ZNF462: variants seen among roughly 807,000 people sequenced by gnomAD.
The protein encoded by ZNF462 is zinc finger PBX1-interacting protein.
A neutral mutation model predicts 201.9 loss-of-function variants in ZNF462; 10 were observed. That is an observed-to-expected ratio of 0.05 (90% CI 0.03 to 0.08). The LOEUF is 0.08. ZNF462 is among the 10% of genes least tolerant of loss of function. The probability of loss-of-function intolerance (pLI) is 1.00; values close to 1 mark genes in which losing one functional copy is unlikely to be tolerated. For missense variants in ZNF462, 2,523 were observed against 3,168.3 expected (o/e 0.80, Z 4.89); for synonymous variants, 1,227 against 1,193.3 (o/e 1.03, Z -0.58).
At chr9:106,996,466 C>A (rs866671766) in intron 10 of ZNF462, among the ~76,000 whole-genome samples, 79 of 152,274 alleles carry the variant, frequency 5.2e-4, no homozygotes, top group African/African-American at 1.7e-3. Context: ...CACAACCTCT[C>A]CAGCACCTGT....
rs368651212 is a variant in ZNF462, at chr9:106,925,899, C to T, written c.1987C>T (p.Leu663Phe). ...TGTGAAGAAAAGTCAGACCTCAATT[C>T]TTGGGTTGTCCTCCAAGAACAATTT... is the stretch of plus-strand genomic sequence containing the variant. Reference protein sequence around the residue: ...NTVKKSQTSILGLSSKNNFVA... With the variant: ...NTVKKSQTSIFGLSSKNNFVA... Residue 663 changes from leucine to phenylalanine, a missense_variant, in exon 3 of 13, where the codon CTT becomes TTT. Physicochemically the swap from Leu to Phe is conservative, Grantham distance 22. Transcript: ENST00000277225. This position sits in a 1 kb window ranked among gnomAD's most constrained non-coding sequence, Gnocchi z 7.9. The T allele has an allele frequency of 1.2e-6, 2 of 1,614,196 alleles. No individual in the cohort carries two copies. Among genetic ancestry groups the T allele is most frequent in the Non-Finnish European group, 1.7e-6 (2 of 1,180,036 alleles).
At position 106,885,769 on chromosome 9, in the gene ZNF462, A is replaced by C. The variant is rs1307850683; in HGVS notation, c.-31+22414A>C. 6.6e-6 allele frequency among the ~76,000 whole-genome samples: 1 copy of C among 152,216 alleles called. No homozygotes were observed. On this transcript the variant is annotated intron_variant, in intron 1 of 12. Transcript: ENST00000277225. This position sits in a 1 kb window ranked among gnomAD's most constrained non-coding sequence, Gnocchi z 4.1. ...CCATCAAGACTTTAGAACAAGGACA[A>C]CTTGAAGTGGCTATCTTGCACATGG...
chr9:106,992,005 A>C (rs1288600170), intron 10 of ZNF462, among the ~76,000 whole-genome samples: 3 of 151,866 alleles, frequency 2.0e-5, no homozygotes, highest in African/African-American at 7.2e-5. Context: ...TGCAAAAGTT[A>C]TGGACAACTA....
Position 106,932,356 on chromosome 9 carries a change from C to T in ZNF462, c.6013-90C>T. 1 of 1,590,226 alleles carries T rather than the reference C, an allele frequency of 6.3e-7. No homozygotes were observed. Among genetic ancestry groups the T allele is most frequent in the Non-Finnish European group, 8.6e-7 (1 of 1,167,830 alleles). On this transcript the variant is annotated intron_variant, in intron 4 of 12. Coordinates refer to ENST00000277225, the MANE Select transcript of ZNF462 (RefSeq NM_021224.6). The surrounding 1 kb of genome is among the most constrained non-coding windows in gnomAD (Gnocchi z 6.8). ...CCTGGTGGGCCGGGTGGATGGTGAA[C>T]ACTGCTTGCTTGATGGAATGTTGGA...
chr9:106,868,664 A>G (rs1016647177), intron 1 of ZNF462, among the ~76,000 whole-genome samples: 9 of 152,174 alleles, frequency 5.9e-5, no homozygotes, highest in South Asian at 2.1e-4. Context: ...CTGAAGAGGA[A>G]ACTGGCACAA....
chr9:106,885,622 C>T lies in ZNF462; in HGVS notation c.-31+22267C>T, dbSNP rs1828283056. 6.6e-6 allele frequency among the ~76,000 whole-genome samples: 1 copy of T among 152,146 alleles called. No homozygotes were observed. On this transcript the variant is annotated intron_variant, in intron 1 of 12. Coordinates refer to ENST00000277225, the MANE Select transcript of ZNF462 (RefSeq NM_021224.6). The surrounding 1 kb of genome is among the most constrained non-coding windows in gnomAD (Gnocchi z 4.1). ...CAGCTGAACATGTGATCTTGTTAACCCTGAGATGTTGCTGAAAAGTGACTC... is the reference window on the plus strand; with the variant it reads ...CAGCTGAACATGTGATCTTGTTAACTCTGAGATGTTGCTGAAAAGTGACTC...
Position 106,926,297 on chromosome 9 carries a change from A to C in ZNF462, c.2385A>C (p.Glu795Asp), listed in dbSNP as rs1365486095. 1 of 1,614,168 alleles carries C rather than the reference A, an allele frequency of 6.2e-7. No individual in the cohort carries two copies. The highest frequency in any genetic ancestry group is 8.5e-7 in the Non-Finnish European group (1 of 1,180,026). ...NGAEIELTLS[E>D]DEEDYYGSST... ...CTGAGATTGAGCTCACCCTTTCTGA[A>C]GATGAAGAGGATTATTATGGCTCCT... Residue 795 changes from glutamate to aspartate, a missense_variant, in exon 3 of 13, where the codon GAA (glutamate) becomes GAC (aspartate). By Grantham distance (45) the Glu-to-Asp change is conservative (BLOSUM62 2). This residue lies in a region of ZNF462 where 383 missense variants were observed against 453.4 expected (regional missense o/e 0.84). Coordinates refer to ENST00000277225, the MANE Select transcript of ZNF462 (RefSeq NM_021224.6). The surrounding 1 kb of genome is among the most constrained non-coding windows in gnomAD (Gnocchi z 7.9).
At chr9:106,953,297 GTT>G (rs1831434805) in intron 7 of ZNF462, among the ~76,000 whole-genome samples, 1 of 152,130 alleles carries the variant, frequency 6.6e-6, no homozygotes, top group South Asian at 2.1e-4. Flanking sequence ...CCTTCTTGCT[GTT>G]TACACCTGCT....
At position 106,905,303 on chromosome 9, in the gene ZNF462, C is replaced by T. The variant is rs532477153; in HGVS notation, c.-30-18051C>T. Among the ~76,000 whole-genome samples the T allele has an allele frequency of 5.3e-5, 8 of 152,128 alleles. No homozygotes were observed. Among genetic ancestry groups the T allele is most frequent in the Non-Finnish European group, 1.0e-4 (7 of 68,012 alleles). On this transcript the variant is annotated intron_variant, in intron 1 of 12. Transcript: ENST00000277225. The surrounding 1 kb of genome is among the most constrained non-coding windows in gnomAD (Gnocchi z 5.9). ...TAAGGGGTCTCTCAGCCATGGATAC[C>T]AGCACCTGTTCTGGTGGAGGTGGCA...
chr9:106,983,351 T>A (rs571801507), intron 9 of ZNF462, among the ~76,000 whole-genome samples: 1 of 152,286 alleles, frequency 6.6e-6, no homozygotes, highest in East Asian at 1.9e-4. Flanking sequence ...ATCCTCCCTG[T>A]CTCCTGCGCA....
chr9:106,877,124 A>G (rs568495144), intron 1 of ZNF462, among the ~76,000 whole-genome samples: 1 of 152,250 alleles, frequency 6.6e-6, no homozygotes, highest in Non-Finnish European at 1.5e-5. Context: ...GGGCCTAACC[A>G]GACTTACCTT....
At chr9:106,889,359 T>C (rs925747375) in intron 1 of ZNF462, among the ~76,000 whole-genome samples, 1 of 152,210 alleles carries the variant, frequency 6.6e-6, no homozygotes, top group East Asian at 1.9e-4. Flanking sequence ...GAGCTCAGGG[T>C]GTTACTGTCA....
rs966856988 is a variant in ZNF462 at position 106,935,102 on chromosome 9, T to G, written c.6117-401T>G. On this transcript the variant is annotated intron_variant, in intron 5 of 12. Coordinates refer to ENST00000277225, the MANE Select transcript of ZNF462 (RefSeq NM_021224.6). The surrounding 1 kb of genome is among the most constrained non-coding windows in gnomAD (Gnocchi z 4.1). ...AAATGCTAAATTTCTCTAATTCCCA[T>G]TCTGTTATTTGAATAAGTTAGAGGA... Among the ~76,000 whole-genome samples, 2 of 152,240 alleles carry G rather than the reference T, an allele frequency of 1.3e-5. No homozygotes were observed. Among genetic ancestry groups the G allele is most frequent in the African/African-American group, 4.8e-5 (2 of 41,468 alleles).
Position 106,874,523 on chromosome 9 carries a change from G to C in ZNF462, c.-31+11168G>C, listed in dbSNP as rs146483565. 7.5e-4 allele frequency among the ~76,000 whole-genome samples: 114 copies of C among 152,246 alleles called. 2 individuals carry two copies. In the East Asian group the frequency reaches 0.021, roughly 28 times the overall value. On this transcript the variant is annotated intron_variant, in intron 1 of 12. Coordinates refer to ENST00000277225, the MANE Select transcript of ZNF462 (RefSeq NM_021224.6). ...GGAAGCTTGGGATATGTTCTAAGGA[G>C]GTAAACGTAGAAAGTTTATGTATGC...
intron 7 of ZNF462, among the ~76,000 whole-genome samples, chr9:106,952,329 ATATTCTAAATTACT>A (rs1335542281): frequency 5.9e-5 from 9 of 152,236 alleles, no homozygotes; most frequent in Admixed American, 5.9e-4. Flanking sequence ...AAGTACTTTC[ATATTCTAAATTACT>A]GTAGAAATAG....
chr9:106,920,186 A>G lies in ZNF462; in HGVS notation c.-30-3168A>G, dbSNP rs1366951094. Among the ~76,000 whole-genome samples, 2 of 150,582 alleles carry G rather than the reference A, an allele frequency of 1.3e-5. No homozygotes were observed. The highest frequency in any genetic ancestry group is 2.5e-5 in the African/African-American group (1 of 40,786). On this transcript the variant is annotated intron_variant, in intron 1 of 12. Transcript: ENST00000277225. This position sits in a 1 kb window ranked among gnomAD's most constrained non-coding sequence, Gnocchi z 4.3. ...GGTTTTGGTTTCTTAGAGGATTACCATCTGCTGCAAAAACATATGAATGGG... is the reference window on the plus strand; with the variant it reads ...GGTTTTGGTTTCTTAGAGGATTACCGTCTGCTGCAAAAACATATGAATGGG...
Position 106,923,936 on chromosome 9 carries a change from A to G in ZNF462, c.221-197A>G, listed in dbSNP as rs1206498752. 6.6e-6 allele frequency among the ~76,000 whole-genome samples: 1 copy of G among 152,192 alleles called. No individual in the cohort carries two copies. The highest frequency in any genetic ancestry group is 2.4e-5 in the African/African-American group (1 of 41,450). Reference sequence around the variant, plus strand: ...GAGAATACCTAAAGCTATACACTGCATCTTTATCCATGAGAAGGTGCAGTA... The same window carrying G: ...GAGAATACCTAAAGCTATACACTGCGTCTTTATCCATGAGAAGGTGCAGTA... On this transcript the variant is annotated intron_variant, in intron 2 of 12. Coordinates refer to ENST00000277225, the MANE Select transcript of ZNF462 (RefSeq NM_021224.6). The surrounding 1 kb of genome is among the most constrained non-coding windows in gnomAD (Gnocchi z 5.6).
intron 7 of ZNF462, among the ~76,000 whole-genome samples, chr9:106,948,306 C>T (rs750639734): frequency 6.6e-6 from 1 of 152,124 alleles, no homozygotes; most frequent in Non-Finnish European, 1.5e-5. Context: ...GAAACAGACT[C>T]AATGGGGAAG....
At position 106,932,802 on chromosome 9, in the gene ZNF462, A is replaced by G; in HGVS notation, c.6116+253A>G. 1.7e-6 allele frequency: 1 copy of G among 590,732 alleles called. No individual in the cohort carries two copies. The allele number at this position is 590,732 out of a possible 1,614,324, so 36.6% of individuals were successfully genotyped here. On this transcript the variant is annotated intron_variant, in intron 5 of 12. Coordinates refer to ENST00000277225, the MANE Select transcript of ZNF462 (RefSeq NM_021224.6). The surrounding 1 kb of genome is among the most constrained non-coding windows in gnomAD (Gnocchi z 6.8). Reference sequence around the variant, plus strand: ...TTGGAGGAATTGCTATGATTTACCCAAAGGTAAAATGGCATCTGTGGAGAG... The same window carrying G: ...TTGGAGGAATTGCTATGATTTACCCGAAGGTAAAATGGCATCTGTGGAGAG...
Sources: allele counts gnomAD v4.1 joint callset (sites outside exome capture counted in the v4.1 genomes callset), GRCh38; gene constraint gnomAD v4.1.1; regional missense constraint gnomAD v4.1.1; non-coding constraint Gnocchi (gnomAD v3.1); transcripts MANE v1.5; gene names NCBI Gene and HGNC (gene_info 2026-07-23, HGNC 2026-07-21).